ST3GAL3: variants seen among roughly 807,000 people sequenced by gnomAD.
The protein encoded by ST3GAL3 is ST3 beta-galactoside alpha-2,3-sialyltransferase 3.
Under a neutral mutation model 50.1 loss-of-function variants are expected in ST3GAL3, and 21 were observed. That is an observed-to-expected ratio of 0.42 (90% CI 0.30 to 0.60). The LOEUF (loss-of-function observed/expected upper bound fraction) is 0.60. Ranked by LOEUF, ST3GAL3 falls within the 20% of genes least tolerant of loss-of-function variation. The pLI is 0.19. For synonymous variants in ST3GAL3, 183 were observed against 190.0 expected, an observed-to-expected ratio of 0.96 and a Z score of 0.30; for missense variants, 353 against 489.4, an observed-to-expected ratio of 0.72 and a Z score of 2.63.
chr1:43,767,725 A>G (rs1297091129), intron 2 of ST3GAL3, among the ~76,000 whole-genome samples: 2 of 151,866 alleles, frequency 1.3e-5, no homozygotes, highest in East Asian at 3.9e-4. Flanking sequence ...CCTAATGTAG[A>G]TGATGGGTTG....
intron 9 of ST3GAL3, among the ~76,000 whole-genome samples, chr1:43,910,557 C>A (rs2080628523): frequency 6.6e-6 from 1 of 152,208 alleles, no homozygotes; most frequent in African/African-American, 2.4e-5. Flanking sequence ...AGAATGGGCA[C>A]AAGAAATATT....
At chr1:43,787,091 A>T (rs141750782) in intron 2 of ST3GAL3, among the ~76,000 whole-genome samples, 1 of 152,236 alleles carries the variant, frequency 6.6e-6, no homozygotes, top group African/African-American at 2.4e-5. Flanking sequence ...CACAGGAAAC[A>T]TCTGACTATA....
In ST3GAL3 at chr1:43,899,200, A is replaced by G. The variant is rs761710359; in HGVS notation, c.494A>G (p.Asn165Ser). Residue 165 changes from asparagine (N) to serine (S), a missense_variant, in exon 8 of 12, where the codon AAT (asparagine) becomes AGT (serine). Physicochemically the swap from Asn to Ser is conservative, Grantham distance 46. Transcript: ENST00000347631. The surrounding 1 kb of genome is among the most constrained non-coding windows in gnomAD (Gnocchi z 5.4). ...LRCRRCIIVGNGGVLANKSLG... is the reference protein window; with the variant it reads ...LRCRRCIIVGSGGVLANKSLG... ...TGCCGCCGCTGCATCATCGTGGGCA[A>G]TGGAGGCGTTCTTGCCAACAAGTCT... is the stretch of plus-strand genomic sequence containing the variant. 3.7e-6 allele frequency: 6 copies of G among 1,614,010 alleles called. No individual in the cohort carries two copies. The highest frequency in any genetic ancestry group is 1.3e-5 in the African/African-American group (1 of 74,922).
intron 2 of ST3GAL3, among the ~76,000 whole-genome samples, chr1:43,764,554 T>C (rs1691818373): frequency 6.6e-6 from 1 of 151,420 alleles, no homozygotes; most frequent in Non-Finnish European, 1.5e-5. Context: ...AGAAAGGAAA[T>C]GAGGAAGAAG....
intron 9 of ST3GAL3, among the ~76,000 whole-genome samples, chr1:43,901,934 C>T (rs747990428): frequency 2.6e-5 from 4 of 152,200 alleles, no homozygotes; most frequent in African/African-American, 7.2e-5. Flanking sequence ...CGGGGTTGCC[C>T]GTGGCCTCAC....
intron 2 of ST3GAL3, chr1:43,736,591 TCAGTTC>T (rs1678571018): frequency 1.2e-6 from 1 of 804,028 alleles, no homozygotes; most frequent in Non-Finnish European, 2.0e-6. Flanking sequence ...ATGACAAATC[TCAGTTC>T]CTTTTACAAA....
In ST3GAL3 at chr1:43,825,454, T is replaced by C. The variant is rs893506809; in HGVS notation, c.209+10521T>C. Among the ~76,000 whole-genome samples, 4 of 152,232 alleles carry C rather than the reference T, an allele frequency of 2.6e-5. No individual in the cohort carries two copies. The East Asian group carries it at 7.7e-4, about 29-fold the overall frequency. On this transcript the variant is annotated intron_variant, in intron 4 of 11. Coordinates refer to ENST00000347631, the MANE Select transcript of ST3GAL3 (RefSeq NM_006279.5). ...AATGGTCTTTTAAAATCTCAGCCAA[T>C]TGAAGAACTTCCTATACATTATATT...
chr1:43,838,233 C>T lies in ST3GAL3; in HGVS notation c.224C>T (p.Ala75Val), dbSNP rs942607332. Residue 75 changes from alanine to valine, a missense_variant, in exon 5 of 12, where the codon GCC becomes GTC. Ala to Val is a moderately conservative substitution (Grantham distance 64, BLOSUM62 0). Transcript: ENST00000347631. ...TCTTCCCATAGGCCTGCTGAATTAGCCACCAAGTACGCAAACTTTTCAGAG... is the reference window on the plus strand; with the variant it reads ...TCTTCCCATAGGCCTGCTGAATTAGTCACCAAGTACGCAAACTTTTCAGAG... ...NLDSKLPAEL[A>V]TKYANFSEGA... 1.2e-6 allele frequency: 2 copies of T among 1,613,526 alleles called. No homozygotes were observed. The highest frequency in any genetic ancestry group is 3.3e-4 in the Middle Eastern group (2 of 6,062).
At chr1:43,911,555 C>G (rs1314556423) in intron 9 of ST3GAL3, among the ~76,000 whole-genome samples, 1 of 151,360 alleles carries the variant, frequency 6.6e-6, no homozygotes, top group Non-Finnish European at 1.5e-5. Flanking sequence ...CTATAGATAT[C>G]TATAGACATA....
intron 5 of ST3GAL3, among the ~76,000 whole-genome samples, chr1:43,892,378 C>T (rs1056037925): frequency 7.2e-5 from 11 of 152,176 alleles, no homozygotes; most frequent in Non-Finnish European, 2.9e-5. Context: ...CCACCTCAGC[C>T]TCCCAGATAG....
chr1:43,821,567 T>C (rs1024402080), intron 4 of ST3GAL3, among the ~76,000 whole-genome samples: 3 of 152,076 alleles, frequency 2.0e-5, no homozygotes, highest in Non-Finnish European at 2.9e-5. Context: ...GAGCAGTGAC[T>C]TGAGGATAAG....
intron 3 of ST3GAL3, among the ~76,000 whole-genome samples, chr1:43,814,078 A>G (rs984561561): frequency 3.9e-5 from 6 of 152,158 alleles, no homozygotes; most frequent in Non-Finnish European, 8.8e-5. Flanking sequence ...TATTTTCTGG[A>G]TACTGCTGAA....
chr1:43,824,591 G>A, intron 4 of ST3GAL3: 1 of 954,050 alleles, frequency 1.0e-6, no homozygotes, highest in Non-Finnish European at 1.7e-6. Context: ...CACAACAGGA[G>A]AGCATAGCAT....
chr1:43,735,407 G>A (rs1411157455), intron 1 of ST3GAL3, among the ~76,000 whole-genome samples: 2 of 152,194 alleles, frequency 1.3e-5, no homozygotes, highest in African/African-American at 4.8e-5. Context: ...ATATGGCGGA[G>A]GGGGAATTTG....
chr1:43,898,421 A>G (rs2077710070), intron 7 of ST3GAL3, 123 bp downstream of exon 7: 3 of 977,432 alleles, frequency 3.1e-6, no homozygotes, highest in Admixed American at 1.8e-5. Flanking sequence ...ATGCACATAC[A>G]GTACACACAC....
intron 1 of ST3GAL3, among the ~76,000 whole-genome samples, chr1:43,722,465 A>G (rs1026831852): frequency 6.6e-6 from 1 of 152,202 alleles, no homozygotes; most frequent in Admixed American, 6.5e-5. Flanking sequence ...AAATGTATGA[A>G]GTTTAAGCCT....
intron 11 of ST3GAL3, among the ~76,000 whole-genome samples, chr1:43,926,154 GA>G (rs904908449): frequency 6.6e-6 from 1 of 152,168 alleles, no homozygotes; most frequent in African/African-American, 2.4e-5. Context: ...TGGAAGTATA[GA>G]TCTGTGAGTT....
intron 2 of ST3GAL3, among the ~76,000 whole-genome samples, chr1:43,763,843 A>G (rs957929024): frequency 2.6e-5 from 4 of 152,138 alleles, no homozygotes; most frequent in African/African-American, 9.7e-5. Context: ...CTCCCCTGCA[A>G]ATTACTTAGT....
intron 9 of ST3GAL3, chr1:43,920,139 T>C: frequency 2.0e-6 from 1 of 509,406 alleles, no homozygotes. Flanking sequence ...TCCCACATCC[T>C]GTGCCTGCCC....
Sources: gnomAD v4.1 joint callset for allele counts (sites outside exome capture counted in the v4.1 genomes callset) on GRCh38, gnomAD v4.1.1 for gene constraint, Gnocchi (gnomAD v3.1) non-coding constraint, MANE v1.5 for transcripts, NCBI Gene and HGNC (gene_info 2026-07-23, HGNC 2026-07-21) for gene names.